The following SLC4A4 variants were observed in gnomAD, a reference collection of about 807,000 sequenced individuals.
The protein encoded by SLC4A4 is solute carrier family 4 member 4.
A neutral mutation model predicts 111.5 loss-of-function variants in SLC4A4; 27 were observed. That is an observed-to-expected ratio of 0.24 (90% CI 0.18 to 0.33). SLC4A4 has a LOEUF of 0.33. SLC4A4 is among the 10% of genes least tolerant of loss of function. The pLI, the probability that SLC4A4 is intolerant of heterozygous loss-of-function variation, is 1.00. For missense variants in SLC4A4, 909 were observed against 1,315.5 expected (o/e 0.69, Z 4.78); for synonymous variants, 443 against 463.4 (o/e 0.96, Z 0.57).
chr4:71,551,996 A>C (rs72854422), intron 20 of SLC4A4, among the ~76,000 whole-genome samples: 1 of 151,870 alleles, frequency 6.6e-6, no homozygotes, highest in East Asian at 1.9e-4. Flanking sequence ...CTTTGCAGCC[A>C]TTCTTCTGGT....
At chr4:71,064,369 A>G (rs1169075039) in intron 1 of SLC4A4, among the ~76,000 whole-genome samples, 4 of 152,188 alleles carry the variant, frequency 2.6e-5, no homozygotes, top group Non-Finnish European at 5.9e-5. Context: ...GTATAATTCC[A>G]ATTACAGCAA....
intron 7 of SLC4A4, among the ~76,000 whole-genome samples, chr4:71,402,119 T>C (rs1477315746): frequency 6.6e-6 from 1 of 152,206 alleles, no homozygotes. Flanking sequence ...CTTGGTCTTT[T>C]AAGGAAATAG....
chr4:71,117,485 A>G (rs1010181261), intron 2 of SLC4A4, among the ~76,000 whole-genome samples: 2 of 152,240 alleles, frequency 1.3e-5, no homozygotes, highest in African/African-American at 4.8e-5. Flanking sequence ...AAAAGAAACA[A>G]TGCATCAGAT....
chr4:71,073,550 ACC>A (rs1741723345), intron 1 of SLC4A4, among the ~76,000 whole-genome samples: 1 of 151,690 alleles, frequency 6.6e-6, no homozygotes, highest in South Asian at 2.1e-4. Context: ...AAAGTGCACA[ACC>A]CCCACCTCTC....
intron 1 of SLC4A4, among the ~76,000 whole-genome samples, chr4:71,087,435 G>T (rs1430140216): frequency 6.6e-6 from 1 of 151,842 alleles, no homozygotes; most frequent in Non-Finnish European, 1.5e-5. Context: ...GTTATTTCTT[G>T]CCTTCTGCTA....
chr4:71,531,728 C>T (rs928687183), intron 16 of SLC4A4, among the ~76,000 whole-genome samples: 44 of 147,402 alleles, frequency 3.0e-4, no homozygotes, highest in South Asian at 6.5e-4. Context: ...CTCAGGGGTA[C>T]GTTCTATTTG....
intron 8 of SLC4A4, among the ~76,000 whole-genome samples, chr4:71,443,112 C>CTATA (rs1378888099): frequency 3.3e-4 from 32 of 97,616 alleles, no homozygotes; most frequent in African/African-American, 5.8e-4. Flanking sequence ...CTCTCTCTCT[C>CTATA]TCTCTATATA....
chr4:71,242,495 T>G (rs1720321496), intron 2 of SLC4A4, among the ~76,000 whole-genome samples: 1 of 152,100 alleles, frequency 6.6e-6, no homozygotes, highest in Non-Finnish European at 1.5e-5. Flanking sequence ...GATTATGGGT[T>G]TTTCTCTTTG....
At chr4:71,320,216 T>C (rs1409984223) in intron 3 of SLC4A4, among the ~76,000 whole-genome samples, 1 of 152,040 alleles carries the variant, frequency 6.6e-6, no homozygotes, top group Admixed American at 6.6e-5. Flanking sequence ...ATATTTAATA[T>C]CTGCCTTGAG....
intron 7 of SLC4A4, among the ~76,000 whole-genome samples, chr4:71,398,883 C>T (rs1266557024): frequency 1.3e-5 from 2 of 152,202 alleles, no homozygotes; most frequent in Non-Finnish European, 2.9e-5. Context: ...TTCTGGTTGG[C>T]TCCATGCTTG....
At chr4:71,281,586 T>G (rs1901712) in intron 3 of SLC4A4, among the ~76,000 whole-genome samples, 20,878 of 152,154 alleles carry the variant, frequency 0.14, 2,175 homozygotes, top group African/African-American at 0.25. Context: ...GGACTCTGGT[T>G]TGATCTTCAT....
At chr4:71,424,057 C>T (rs888957923) in intron 7 of SLC4A4, among the ~76,000 whole-genome samples, 2 of 151,936 alleles carry the variant, frequency 1.3e-5, no homozygotes, top group Non-Finnish European at 2.9e-5. Context: ...AACAGGCAAC[C>T]CACAAAATGG....
intron 2 of SLC4A4, among the ~76,000 whole-genome samples, chr4:71,249,308 G>A (rs1369484481): frequency 2.6e-5 from 4 of 152,100 alleles, no homozygotes; most frequent in East Asian, 1.9e-4. Context: ...TATGTAATAC[G>A]TAATTATCTA....
intron 1 of SLC4A4, among the ~76,000 whole-genome samples, chr4:71,065,384 T>C (rs1459288952): frequency 2.1e-5 from 3 of 139,854 alleles, no homozygotes; most frequent in Non-Finnish European, 5.0e-5. Flanking sequence ...AATAAGAATA[T>C]ATGTTGTGAA....
At chr4:71,515,836 G>T (rs1732327058) in intron 16 of SLC4A4, among the ~76,000 whole-genome samples, 1 of 151,808 alleles carries the variant, frequency 6.6e-6, no homozygotes. Context: ...CATCCCTTTA[G>T]TTTCAGTCTA....
intron 2 of SLC4A4, among the ~76,000 whole-genome samples, chr4:71,180,223 G>T (rs1221131806): frequency 6.6e-6 from 1 of 152,054 alleles, no homozygotes; most frequent in Non-Finnish European, 1.5e-5. Flanking sequence ...AGGACTTACA[G>T]GTTAGACCTA....
At chr4:71,439,050 G>T (rs1469676516) in intron 7 of SLC4A4, among the ~76,000 whole-genome samples, 5 of 150,356 alleles carry the variant, frequency 3.3e-5, no homozygotes, top group Admixed American at 6.6e-5. Flanking sequence ...TCCTCCCCTA[G>T]CTTCCCCATT....
chr4:71,285,302 C>T (rs77886317), intron 3 of SLC4A4, among the ~76,000 whole-genome samples: 3,907 of 152,194 alleles, frequency 0.026, 195 homozygotes, highest in African/African-American at 0.089. Context: ...CCTATCCTGA[C>T]TCTCGGTAAC....
chr4:71,355,422 G>T (rs902836103), intron 5 of SLC4A4, among the ~76,000 whole-genome samples: 1 of 152,066 alleles, frequency 6.6e-6, no homozygotes, highest in African/African-American at 2.4e-5. Context: ...AGGTTTAATT[G>T]TAATTACAGG....
Sources: gnomAD v4.1 joint callset for allele counts (sites outside exome capture counted in the v4.1 genomes callset) on GRCh38, gnomAD v4.1.1 for gene constraint, MANE v1.5 for transcripts, NCBI Gene and HGNC (gene_info 2026-07-23, HGNC 2026-07-21) for gene names.